Variants in USP15 observed in about 807,000 individuals in gnomAD.
USP15 encodes the protein ubiquitin carboxyl-terminal hydrolase 15.
USP15 carries 18 observed loss-of-function variants against 127.1 expected under a neutral mutation model. The observed-to-expected ratio is 0.14, with a 90% CI of 0.10 to 0.21. The LOEUF is 0.21. USP15 is among the 10% of genes least tolerant of loss of function. The probability of loss-of-function intolerance (pLI) is 1.00; values close to 1 mark genes in which losing one functional copy is unlikely to be tolerated. For synonymous variants in USP15, 364 were observed against 393.7 expected, an observed-to-expected ratio of 0.92 and a Z score of 0.89; for missense variants, 805 against 1,159.9, an observed-to-expected ratio of 0.69 and a Z score of 4.44.
intron 11 of USP15, among the ~76,000 whole-genome samples, chr12:62,388,802 G>A (rs2067235400): frequency 6.6e-6 from 1 of 152,164 alleles, no homozygotes; most frequent in African/African-American, 2.4e-5. Context: ...GGAGAAGCAA[G>A]AAGTAGTGGT....
chr12:62,281,221 T>C (rs2063638039), intron 1 of USP15, among the ~76,000 whole-genome samples: 1 of 152,238 alleles, frequency 6.6e-6, no homozygotes, highest in South Asian at 2.1e-4. Context: ...TTTGTCTGTG[T>C]CATCTAATCT....
chr12:62,289,556 T>G (rs2063892431), intron 1 of USP15, among the ~76,000 whole-genome samples: 1 of 152,176 alleles, frequency 6.6e-6, no homozygotes, highest in Non-Finnish European at 1.5e-5. Flanking sequence ...AACTAACTTT[T>G]CATTTCATTG....
At chr12:62,345,886 A>G (rs2065801367) in intron 6 of USP15, among the ~76,000 whole-genome samples, 1 of 152,172 alleles carries the variant, frequency 6.6e-6, no homozygotes, top group African/African-American at 2.4e-5. Context: ...TTCATTCACT[A>G]TCACAAGAAC....
At chr12:62,381,787 T>A in intron 9 of USP15, 124 bp downstream of exon 9, 1 of 825,010 alleles carries the variant, frequency 1.2e-6, no homozygotes, top group Non-Finnish European at 1.8e-6. Context: ...AGGAACACAG[T>A]ACATAAATAG....
intron 1 of USP15, among the ~76,000 whole-genome samples, chr12:62,271,989 C>A (rs2063354395): frequency 6.6e-6 from 1 of 151,450 alleles, no homozygotes; most frequent in South Asian, 2.1e-4. Flanking sequence ...GAGTGAATTT[C>A]ATAGTTTTAT....
At chr12:62,266,017 A>C (rs1565798821) in intron 1 of USP15, among the ~76,000 whole-genome samples, 2 of 152,214 alleles carry the variant, frequency 1.3e-5, no homozygotes, top group Non-Finnish European at 2.9e-5. Flanking sequence ...CATGTAGGAA[A>C]TCTTAACACC....
At chr12:62,386,159 G>T (rs2067142550) in intron 11 of USP15, among the ~76,000 whole-genome samples, 1 of 100,758 alleles carries the variant, frequency 9.9e-6, no homozygotes, top group African/African-American at 3.1e-5. Context: ...GTTTGTTTTT[G>T]TGTTTTGTGT....
At chr12:62,284,073 A>T (rs1439397598) in intron 1 of USP15, among the ~76,000 whole-genome samples, 1 of 152,170 alleles carries the variant, frequency 6.6e-6, no homozygotes, top group Non-Finnish European at 1.5e-5. Flanking sequence ...GCAAAACATG[A>T]TTTTTATTGG....
intron 4 of USP15, among the ~76,000 whole-genome samples, chr12:62,316,482 AT>A (rs1441076181): frequency 6.6e-6 from 1 of 152,084 alleles, no homozygotes; most frequent in South Asian, 2.1e-4. Flanking sequence ...TATGAAAATT[AT>A]TTTAATCATA....
rs533010021 is a variant in USP15, at chr12:62,336,039, C to A, written c.683+10106C>A. 6.1e-6 allele frequency: 6 copies of A among 984,294 alleles called. No individual in the cohort carries two copies. The Admixed American group carries it at 3.1e-4, about 51-fold the overall frequency. 61.0% of individuals were successfully genotyped at this position (984,294 alleles called of 1,614,324 possible). A position where few individuals can be genotyped will look rare whatever the true frequency, so the allele number is the denominator to read the frequency against. On this transcript the variant is annotated intron_variant, in intron 6 of 21. Transcript: ENST00000280377. ...ATCATATGTAGTCTATGTGATAGGC[C>A]CTCCTTGGCACGGTGCAGTGCAGCT...
At chr12:62,384,668 G>C (rs906209031) in intron 11 of USP15, among the ~76,000 whole-genome samples, 21 of 151,468 alleles carry the variant, frequency 1.4e-4, no homozygotes, top group Middle Eastern at 6.8e-3. Context: ...GTGGCTATTG[G>C]AAGTAAAGCT....
At chr12:62,261,437 C>T (rs1455488167) in intron 1 of USP15, among the ~76,000 whole-genome samples, 4 of 152,114 alleles carry the variant, frequency 2.6e-5, no homozygotes, top group African/African-American at 9.7e-5. Context: ...TATAATAAAA[C>T]ATATTTTCAC....
At chr12:62,262,990 G>T (rs751680215) in intron 1 of USP15, among the ~76,000 whole-genome samples, 3 of 152,180 alleles carry the variant, frequency 2.0e-5, no homozygotes, top group Non-Finnish European at 2.9e-5. Flanking sequence ...TTGTGAGCCA[G>T]TTTATTTGCA....
chr12:62,306,831 A>G (rs2064498625), intron 3 of USP15, among the ~76,000 whole-genome samples: 1 of 152,172 alleles, frequency 6.6e-6, no homozygotes, highest in Non-Finnish European at 1.5e-5. Context: ...CAAGGGTGTG[A>G]CTGTAAGTTA....
rs1180511041 is a variant in USP15 at position 62,408,056 on chromosome 12, A to G, written c.*3681A>G. 6.6e-6 allele frequency: 1 copy of G among 152,174 alleles called. No individual in the cohort carries two copies. The highest frequency in any genetic ancestry group is 1.5e-5 in the Non-Finnish European group (1 of 68,026). 9.4% of individuals were successfully genotyped at this position (152,174 alleles called of 1,614,324 possible). On this transcript the variant is annotated 3_prime_UTR_variant, in exon 22 of 22. Transcript: ENST00000280377. Reference sequence around the variant, plus strand: ...ATCAGTAAGTACCAAAATAGATACAACATAAAGGTGGTGGGGTTTTTTATG... The same window carrying G: ...ATCAGTAAGTACCAAAATAGATACAGCATAAAGGTGGTGGGGTTTTTTATG...
chr12:62,296,851 A>C (rs1350218834), intron 2 of USP15, among the ~76,000 whole-genome samples: 1 of 152,228 alleles, frequency 6.6e-6, no homozygotes, highest in African/African-American at 2.4e-5. Context: ...GAAAAGAGGG[A>C]GATCACGTGC....
At chr12:62,402,201 A>G (rs1213154964) in intron 21 of USP15, among the ~76,000 whole-genome samples, 1 of 151,924 alleles carries the variant, frequency 6.6e-6, no homozygotes, top group Non-Finnish European at 1.5e-5. Context: ...ATGCATTTTA[A>G]CAATGATGAT....
At chr12:62,262,734 G>A (rs2063103714) in intron 1 of USP15, among the ~76,000 whole-genome samples, 1 of 152,014 alleles carries the variant, frequency 6.6e-6, no homozygotes, top group Admixed American at 6.6e-5. Flanking sequence ...TTGAACTCCT[G>A]GCTTCAAGTG....
Position 62,404,296 on chromosome 12 carries a change from G to C in USP15, c.2867G>C (p.Gly956Ala), listed in dbSNP as rs148671620. Residue 956 changes from glycine to alanine, a missense_variant, in exon 22 of 22, where the codon GGC becomes GCC. Physicochemically the swap from Gly to Ala is moderately conservative, Grantham distance 60 (BLOSUM62 0). This residue lies in a region of USP15 where 116 missense variants were observed against 157.2 expected (regional missense o/e 0.74). Coordinates refer to ENST00000280377, the MANE Select transcript of USP15 (RefSeq NM_001252078.2). ...ACTAAAGGTGCTTCAGCTGCCACTG[G>C]CATCCCATTAGAAAGTGATGAAGAT... ...RETKGASAATGIPLESDEDSN... is the reference protein window; with the variant it reads ...RETKGASAATAIPLESDEDSN... The C allele has an allele frequency of 1.2e-5, 20 of 1,613,140 alleles. No homozygotes were observed. In the Admixed American group the frequency reaches 3.0e-4, roughly 24 times the overall value.
Sources: gnomAD v4.1 joint callset for allele counts (sites outside exome capture counted in the v4.1 genomes callset) on GRCh38, gnomAD v4.1.1 for gene constraint, gnomAD v4.1.1 regional missense constraint, MANE v1.5 for transcripts, NCBI Gene and HGNC (gene_info 2026-07-23, HGNC 2026-07-21) for gene names.